The following ITSN1 variants were observed in gnomAD, a reference collection of about 807,000 sequenced individuals.
ITSN1 encodes intersectin 1.
ITSN1 carries 58 observed loss-of-function variants against 239.8 expected under a neutral mutation model. The ratio of observed to expected loss-of-function variants is 0.24; its 90% CI spans 0.20 to 0.30. The LOEUF is 0.30. Ranked by LOEUF, ITSN1 falls within the 10% of genes least tolerant of loss-of-function variation. The pLI is 1.00. For synonymous variants in ITSN1, 780 were observed against 770.8 expected (o/e 1.01, Z -0.20); for missense variants, 1,558 against 2,103.3 (o/e 0.74, Z 5.07).
At chr21:33,730,542 A>G (rs2066114635) in intron 4 of ITSN1, among the ~76,000 whole-genome samples, 1 of 151,126 alleles carries the variant, frequency 6.6e-6, no homozygotes, top group African/African-American at 2.4e-5. Flanking sequence ...CTGGGATTAC[A>G]GGCACGTGCC....
chr21:33,835,220 G>T (rs779971465), intron 28 of ITSN1, among the ~76,000 whole-genome samples: 1 of 152,142 alleles, frequency 6.6e-6, no homozygotes, highest in African/African-American at 2.4e-5. Context: ...GGCAAACTTT[G>T]TGATGAGCCG....
intron 31 of ITSN1, among the ~76,000 whole-genome samples, chr21:33,863,548 C>T (rs776023640): frequency 8.6e-5 from 13 of 152,046 alleles, no homozygotes; most frequent in South Asian, 6.2e-4. Context: ...CCCAGCCACT[C>T]GGGAGACTGA....
chr21:33,772,186 G>A lies in ITSN1; in HGVS notation c.1168G>A (p.Glu390Lys). The A allele has an allele frequency of 6.2e-7, 1 of 1,614,078 alleles. No homozygotes were observed. Among genetic ancestry groups the A allele is most frequent in the Non-Finnish European group, 8.5e-7 (1 of 1,179,972 alleles). The change falls in exon 12 of 40, where the codon GAG (glutamate) becomes AAG (lysine). Residue 390 changes from glutamate to lysine, a missense_variant. Physicochemically the swap from Glu to Lys is moderately conservative, Grantham distance 56. This residue lies in a region of ITSN1 where 982 missense variants were observed against 1,209.9 expected (regional missense o/e 0.81). Coordinates refer to ENST00000381318, the MANE Select transcript of ITSN1 (RefSeq NM_003024.3). ...QERLAQLERA[E>K]QERKERERQE... ...GCGCCTGGCCCAGCTGGAGCGGGCG[G>A]AGCAGGAGAGGAAGGAGCGTGAGCG...
At position 33,689,150 on chromosome 21, in the gene ITSN1, T is replaced by C. The variant is rs532816257; in HGVS notation, c.-32-29647T>C. ...CATAGTTATTAATCTGAAGAAGTTC[T>C]ACAGTAAATCAAATGTTCAGGATTG... On this transcript the variant is annotated intron_variant, in intron 1 of 39. Transcript: ENST00000381318. Among the ~76,000 whole-genome samples the C allele has an allele frequency of 9.8e-5, 15 of 152,328 alleles. No homozygotes were observed. In the East Asian group the frequency reaches 2.9e-3, roughly 29 times the overall value.
chr21:33,895,840 C>T lies in ITSN1; in HGVS notation c.*7540C>T, dbSNP rs1247644586. ...CTGTCATCCTGGTCAGGACTAGTCG[C>T]GTGGTTTGCGGACAGAGTGCAAAAT... On this transcript the variant is annotated 3_prime_UTR_variant, in exon 40 of 40. Transcript: ENST00000381318. 1.3e-5 allele frequency: 2 copies of T among 152,190 alleles called. No individual in the cohort carries two copies. The highest frequency in any genetic ancestry group is 1.9e-4 in the East Asian group (1 of 5,184). 9.4% of individuals were successfully genotyped at this position (152,190 alleles called of 1,614,324 possible).
At chr21:33,682,100 A>G (rs758693904) in intron 1 of ITSN1, among the ~76,000 whole-genome samples, 11 of 151,970 alleles carry the variant, frequency 7.2e-5, no homozygotes, top group Admixed American at 3.3e-4. Flanking sequence ...CTAATTACAG[A>G]AAAAATTTTA....
chr21:33,822,035 C>T (rs1009648400), intron 24 of ITSN1, among the ~76,000 whole-genome samples: 5 of 152,220 alleles, frequency 3.3e-5, no homozygotes, highest in East Asian at 1.9e-4. Flanking sequence ...GTGTTACCAG[C>T]GCCTCAGGGC....
Position 33,865,386 on chromosome 21 carries a change from C to A in ITSN1, c.4074+52C>A. On this transcript the variant is annotated intron_variant, in intron 32 of 39. Transcript: ENST00000381318. The surrounding 1 kb of genome is among the most constrained non-coding windows in gnomAD (Gnocchi z 4.4). The stretch of plus-strand genomic sequence containing the variant: ...GGGCCCCAGAGTGGCGATCTTTGGG[C>A]AGCTGGATGTGTGAGGGGCTAATTC... 1.4e-6 allele frequency: 2 copies of A among 1,381,076 alleles called. No individual in the cohort carries two copies. Among genetic ancestry groups the A allele is most frequent in the Non-Finnish European group, 1.9e-6 (2 of 1,025,930 alleles). The allele number at this position is 1,381,076 out of a possible 1,614,324, so 85.6% of individuals were successfully genotyped here.
At chr21:33,787,289 C>T (rs994503857) in intron 16 of ITSN1, among the ~76,000 whole-genome samples, 1 of 152,278 alleles carries the variant, frequency 6.6e-6, no homozygotes, top group Non-Finnish European at 1.5e-5. Context: ...TCATGGGAGA[C>T]ATACTGTGAT....
intron 1 of ITSN1, among the ~76,000 whole-genome samples, chr21:33,679,034 T>A (rs1253905826): frequency 6.6e-6 from 1 of 152,242 alleles, no homozygotes; most frequent in African/African-American, 2.4e-5. Context: ...ACAGTTCCTG[T>A]CCAAGAGTAC....
At chr21:33,869,401 A>T (rs565629655) in intron 33 of ITSN1, among the ~76,000 whole-genome samples, 39 of 152,310 alleles carry the variant, frequency 2.6e-4, no homozygotes, top group African/African-American at 9.4e-4. Context: ...CTAGAACAGG[A>T]TGGGGGAAGC....
intron 29 of ITSN1, chr21:33,837,725 T>A (rs976456632): frequency 2.0e-6 from 2 of 985,808 alleles, no homozygotes; most frequent in African/African-American, 3.5e-5. Flanking sequence ...CTAATCATAT[T>A]GCATTTAATT....
At position 33,749,082 on chromosome 21, in the gene ITSN1, C is replaced by T. The variant is rs556575199; in HGVS notation, c.347-1061C>T. On this transcript the variant is annotated intron_variant, in intron 5 of 39. Transcript: ENST00000381318. The stretch of plus-strand genomic sequence containing the variant: ...TGGCTCACTGTAGCCTCAACCTCTT[C>T]GGCATAAGTGATCCTCCCACCTCAG... 1.6e-4 allele frequency among the ~76,000 whole-genome samples: 24 copies of T among 150,646 alleles called. No homozygotes were observed. The East Asian group carries it at 2.6e-3, about 16-fold the overall frequency.
At chr21:33,754,401 A>C (rs1602029565) in intron 7 of ITSN1, among the ~76,000 whole-genome samples, 1 of 152,234 alleles carries the variant, frequency 6.6e-6, no homozygotes, top group Non-Finnish European at 1.5e-5. Context: ...TTGTGCTTTT[A>C]CATGTTTGAA....
intron 1 of ITSN1, among the ~76,000 whole-genome samples, chr21:33,669,589 G>A (rs1429846034): frequency 6.6e-6 from 1 of 151,916 alleles, no homozygotes; most frequent in Non-Finnish European, 1.5e-5. Context: ...ACAGGCATGC[G>A]CCACCAAGCC....
intron 1 of ITSN1, among the ~76,000 whole-genome samples, chr21:33,685,925 G>A (rs988289218): frequency 6.6e-6 from 1 of 152,150 alleles, no homozygotes; most frequent in African/African-American, 2.4e-5. Context: ...TCATCAGACT[G>A]AATTGAATAT....
At chr21:33,802,526 C>A in intron 20 of ITSN1, 82 bp downstream of exon 20, 1 of 1,360,068 alleles carries the variant, frequency 7.4e-7, no homozygotes, top group Non-Finnish European at 1.0e-6. Context: ...TGTGTAAGTA[C>A]ACGTATCTCT....
chr21:33,687,013 A>G (rs1256718361), intron 1 of ITSN1, among the ~76,000 whole-genome samples: 1 of 152,150 alleles, frequency 6.6e-6, no homozygotes, highest in East Asian at 1.9e-4. Flanking sequence ...CTTTTGGTTA[A>G]CTTTATAACT....
At chr21:33,817,625 T>G in intron 22 of ITSN1, 2 of 1,252,686 alleles carry the variant, frequency 1.6e-6, no homozygotes, top group Non-Finnish European at 2.1e-6. Flanking sequence ...TGCTTTGTGG[T>G]TAATAAAGTG....
Sources: gnomAD v4.1 joint callset for allele counts (sites outside exome capture counted in the v4.1 genomes callset) on GRCh38, gnomAD v4.1.1 for gene constraint, gnomAD v4.1.1 regional missense constraint, Gnocchi (gnomAD v3.1) non-coding constraint, MANE v1.5 for transcripts, NCBI Gene and HGNC (gene_info 2026-07-23, HGNC 2026-07-21) for gene names.